GSE1: variants seen among roughly 807,000 people sequenced by gnomAD.
GSE1 encodes genetic suppressor element 1.
A neutral mutation model predicts 112.6 loss-of-function variants in GSE1; 32 were observed. The observed-to-expected ratio is 0.28, with a 90% CI of 0.21 to 0.38. The LOEUF is 0.38. GSE1 is among the 10% of genes least tolerant of loss of function. The probability of loss-of-function intolerance (pLI) is 1.00; values close to 1 mark genes in which losing one functional copy is unlikely to be tolerated. For missense variants in GSE1, 2,348 were observed against 1,699.2 expected (o/e 1.38, Z -6.71); for synonymous variants, 1,115 against 735.6 (o/e 1.52, Z -8.35).
chr16:85,256,257 G>A (rs1334716806), intron 1 of GSE1, among the ~76,000 whole-genome samples: 2 of 152,044 alleles, frequency 1.3e-5, no homozygotes, highest in Non-Finnish European at 2.9e-5. Flanking sequence ...CAACAAACAT[G>A]TGATGATAAT....
chr16:85,668,063 G>C (rs559523719), intron 13 of GSE1, 77 bp from the exon 14 acceptor site: 2 of 1,126,160 alleles, frequency 1.8e-6, no homozygotes, highest in African/African-American at 3.1e-5. Context: ...ACCAAGGGCA[G>C]AGCAGAGCTC....
At chr16:85,267,415 A>AGT (rs1908364210) in intron 1 of GSE1, among the ~76,000 whole-genome samples, 1 of 152,042 alleles carries the variant, frequency 6.6e-6, no homozygotes, top group Non-Finnish European at 1.5e-5. Flanking sequence ...TCCCAAGGAT[A>AGT]CCTGGCATGG....
At position 85,341,532 on chromosome 16, in the gene GSE1, C is replaced by T. The variant is rs995583220; in HGVS notation, c.2284-15931C>T. 3.9e-5 allele frequency among the ~76,000 whole-genome samples: 6 copies of T among 152,096 alleles called. No homozygotes were observed. In the South Asian group the frequency reaches 1.2e-3, roughly 32 times the overall value. ...AATTAGCTGGGCTTGGTGGCAGGCA[C>T]CTGTAATCCCAGCTACACGGGAGGC... is the stretch of plus-strand genomic sequence containing the variant. On this transcript the variant is annotated intron_variant, in intron 1 of 2. Transcript: ENST00000637419.
chr16:85,403,092 G>GA (rs930154846), intron 2 of GSE1, among the ~76,000 whole-genome samples: 2 of 7,936 alleles, frequency 2.5e-4, no homozygotes. Flanking sequence ...CATGGTTGCT[G>GA]GGGGGGGACT....
chr16:85,184,902 G>A (rs1033647817), intron 1 of GSE1, among the ~76,000 whole-genome samples: 5 of 152,222 alleles, frequency 3.3e-5, no homozygotes, highest in Non-Finnish European at 7.3e-5. Context: ...GGAAACAGCA[G>A]TATTTGGTTC....
chr16:85,213,208 G>A (rs765555760), intron 1 of GSE1, among the ~76,000 whole-genome samples: 13 of 151,270 alleles, frequency 8.6e-5, no homozygotes, highest in Admixed American at 2.6e-4. Flanking sequence ...GGCAGAGGTT[G>A]CAGTGAGCCG....
intron 2 of GSE1, among the ~76,000 whole-genome samples, chr16:85,505,660 C>T (rs1284288904): frequency 6.6e-6 from 1 of 152,072 alleles, no homozygotes; most frequent in East Asian, 1.9e-4. Flanking sequence ...TGTATAGACA[C>T]CCCTAATACA....
chr16:85,663,569 C>A lies in GSE1; in HGVS notation c.2599C>A (p.Leu867Met). 2 of 1,614,008 alleles carry A rather than the reference C, an allele frequency of 1.2e-6. No homozygotes were observed. The highest frequency in any genetic ancestry group is 1.7e-6 in the Non-Finnish European group (2 of 1,180,008). ...SPNFEEKKKF[L>M]TIFNLTHISA... ...CAACTTCGAAGAAAAGAAGAAGTTC[C>A]TGACCATCTTCAACCTGACCCACAT... Residue 867 changes from leucine to methionine, a missense_variant, in exon 11 of 16, where the codon CTG becomes ATG. Physicochemically the swap from Leu to Met is conservative, Grantham distance 15. Transcript: ENST00000253458.
chr16:85,297,734 C>A (rs1029803473), intron 1 of GSE1, among the ~76,000 whole-genome samples: 4 of 152,194 alleles, frequency 2.6e-5, no homozygotes, highest in African/African-American at 4.8e-5. Context: ...TGATCTCAAA[C>A]TCCTGGCCTC....
At chr16:85,198,711 C>T (rs1024670187) in intron 1 of GSE1, among the ~76,000 whole-genome samples, 1 of 152,154 alleles carries the variant, frequency 6.6e-6, no homozygotes, top group Non-Finnish European at 1.5e-5. Flanking sequence ...CCCCCCACCC[C>T]GACCCTTTAG....
At chr16:85,670,950 G>A in intron 14 of GSE1, 45 bp from the exon 15 acceptor site, 6 of 1,236,398 alleles carry the variant, frequency 4.9e-6, no homozygotes, top group Non-Finnish European at 7.2e-6. Context: ...CGGGCCTTCG[G>A]GCTCCTGCAT....
chr16:85,298,402 G>T (rs549879518), intron 1 of GSE1, among the ~76,000 whole-genome samples: 2 of 152,282 alleles, frequency 1.3e-5, no homozygotes, highest in African/African-American at 4.8e-5. Context: ...GCATAGCCCT[G>T]ACAGAGACCT....
At chr16:85,635,445 C>T (rs933355337) in intron 2 of GSE1, among the ~76,000 whole-genome samples, 1 of 152,214 alleles carries the variant, frequency 6.6e-6, no homozygotes, top group South Asian at 2.1e-4. Flanking sequence ...AGAGGCCGGA[C>T]AGCTGCAGGC....
intron 1 of GSE1, among the ~76,000 whole-genome samples, chr16:85,258,601 C>T (rs1907332244): frequency 6.6e-6 from 1 of 152,156 alleles, no homozygotes. Context: ...CCCCCCAAGG[C>T]ATCAGGAATC....
At chr16:85,336,422 G>C (rs933546187) in intron 1 of GSE1, among the ~76,000 whole-genome samples, 1 of 152,182 alleles carries the variant, frequency 6.6e-6, no homozygotes, top group Non-Finnish European at 1.5e-5. Context: ...CCGACCAGTC[G>C]GTGGCGTTCA....
At chr16:85,613,489 G>A in intron 1 of GSE1, 91 bp downstream of exon 1, 2 of 1,158,060 alleles carry the variant, frequency 1.7e-6, no homozygotes, top group East Asian at 3.1e-5. Flanking sequence ...CGCGGGGGCG[G>A]CCGCCAACGG....
At chr16:85,418,660 T>C (rs1007210706) in intron 2 of GSE1, among the ~76,000 whole-genome samples, 6 of 152,100 alleles carry the variant, frequency 3.9e-5, no homozygotes, top group African/African-American at 1.4e-4. Context: ...CACAGTCTAG[T>C]GCCAAAAGGA....
At chr16:85,196,949 A>G (rs1276436434) in intron 1 of GSE1, among the ~76,000 whole-genome samples, 3 of 152,200 alleles carry the variant, frequency 2.0e-5, no homozygotes, top group Non-Finnish European at 4.4e-5. Flanking sequence ...GTACTGCGTC[A>G]GAGGATGAGC....
intron 1 of GSE1, among the ~76,000 whole-genome samples, chr16:85,627,115 C>T (rs1239677790): frequency 1.9e-4 from 20 of 104,356 alleles, no homozygotes; most frequent in Non-Finnish European, 2.3e-4. Flanking sequence ...AGAAACCTAG[C>T]CAGAGAATAG....
Sources: allele counts gnomAD v4.1 joint callset (sites outside exome capture counted in the v4.1 genomes callset), GRCh38; gene constraint gnomAD v4.1.1; transcripts MANE v1.5; gene names NCBI Gene and HGNC (gene_info 2026-07-23, HGNC 2026-07-21).